The following ZNF415 variants were observed in gnomAD, a reference collection of about 807,000 sequenced individuals.
ZNF415 encodes the protein zinc finger protein 415.
ZNF415 carries 5 observed loss-of-function variants against 7.3 expected under a neutral mutation model. That is an observed-to-expected ratio of 0.69 (90% confidence interval 0.36 to 1.44). ZNF415 has a LOEUF of 1.44. ZNF415 is among the 40% of genes most tolerant of loss of function. ZNF415 has a pLI of 0.04. For missense variants in ZNF415, 628 were observed against 664.8 expected (o/e 0.94, Z 0.61); for synonymous variants, 207 against 226.3 (o/e 0.91, Z 0.77).
chr19:53,115,005 A>G (rs2086785108), intron 3 of ZNF415, among the ~76,000 whole-genome samples: 1 of 152,052 alleles, frequency 6.6e-6, no homozygotes, highest in South Asian at 2.1e-4. Flanking sequence ...CCTCTGATCT[A>G]TATGGAGAGC....
In ZNF415 at chr19:53,108,820, C is replaced by T. The variant is rs867987671; in HGVS notation, c.1225G>A (p.Glu409Lys). The T allele has an allele frequency of 6.2e-7, 1 of 1,614,040 alleles. No homozygotes were observed. The highest frequency in any genetic ancestry group is 8.5e-7 in the Non-Finnish European group (1 of 1,179,972). The change falls in exon 4 of 4, where the codon GAG becomes AAG. Residue 409 changes from glutamate (E) to lysine (K), a missense_variant. Physicochemically the swap from Glu to Lys is moderately conservative, Grantham distance 56. Transcript: ENST00000243643. ...CATTCATTGCATTTGTAAGGTTTCTCTCCAGTATGAATTCTCCAATGCCTT... is the reference window on the plus strand; with the variant it reads ...CATTCATTGCATTTGTAAGGTTTCTTTCCAGTATGAATTCTCCAATGCCTT... ...LARHWRIHTG[E>K]KPYKCNECGK...
At chr19:53,130,266 A>G (rs1375648094) in intron 1 of ZNF415, among the ~76,000 whole-genome samples, 2 of 152,200 alleles carry the variant, frequency 1.3e-5, no homozygotes, top group Non-Finnish European at 1.5e-5. Flanking sequence ...TAAAAACATC[A>G]TTGACATCTT....
In ZNF415 at chr19:53,127,650, A is replaced by G. The variant is rs1421590047; in HGVS notation, c.-67-4907T>C. On this transcript the variant is annotated intron_variant, in intron 1 of 3. Transcript: ENST00000243643. ...TCCCAGCACTTTAGGAGGCTGAGGC[A>G]GGCAGATCACGAAGTCAGGAGATCG... Among the ~76,000 whole-genome samples, 4 of 152,258 alleles carry G rather than the reference A, an allele frequency of 2.6e-5. No individual in the cohort carries two copies. The East Asian group carries it at 7.7e-4, about 29-fold the overall frequency.
At chr19:53,117,705 T>C (rs1313129860) in intron 2 of ZNF415, among the ~76,000 whole-genome samples, 3 of 152,114 alleles carry the variant, frequency 2.0e-5, no homozygotes, top group African/African-American at 7.2e-5. Flanking sequence ...TCTTCACCAC[T>C]AGACTGGCCC....
intron 1 of ZNF415, among the ~76,000 whole-genome samples, chr19:53,127,363 C>T (rs1054415665): frequency 1.3e-5 from 2 of 152,132 alleles, no homozygotes; most frequent in East Asian, 1.9e-4. Flanking sequence ...TTCGCAAGTC[C>T]CAGTAACAAT....
chr19:53,110,872 GTCAATAACGCAAT>G (rs1240824560), intron 3 of ZNF415, among the ~76,000 whole-genome samples: 1 of 152,188 alleles, frequency 6.6e-6, no homozygotes, highest in Non-Finnish European at 1.5e-5. Flanking sequence ...CAAACAGCCA[GTCAATAACGCAAT>G]TCCCTACATA....
intron 3 of ZNF415, chr19:53,115,706 G>A (rs2086911637): frequency 1.3e-6 from 2 of 1,550,002 alleles, no homozygotes; most frequent in Non-Finnish European, 8.7e-7. Flanking sequence ...GGTCTTACCT[G>A]TTTTCACACC....
chr19:53,111,026 T>C (rs1049359460), intron 3 of ZNF415, among the ~76,000 whole-genome samples: 1 of 152,170 alleles, frequency 6.6e-6, no homozygotes, highest in Non-Finnish European at 1.5e-5. Context: ...AAACAAAATA[T>C]AATGCAGTCT....
In ZNF415 at chr19:53,109,775, C is replaced by G; in HGVS notation, c.270G>C (p.Lys90Asn). 1 of 1,613,344 alleles carries G rather than the reference C, an allele frequency of 6.2e-7. No individual in the cohort carries two copies. The highest frequency in any genetic ancestry group is 8.5e-7 in the Non-Finnish European group (1 of 1,179,632). Residue 90 changes from lysine (K) to asparagine (N), a missense_variant, in exon 4 of 4, where the codon AAG (lysine) becomes AAC (asparagine). Lys to Asn is a moderately conservative substitution (Grantham distance 94). Coordinates refer to ENST00000243643, the MANE Select transcript of ZNF415 (RefSeq NM_018355.4). ...GACAGTCAAAGTCGTGTATTTTTTT[C>G]TTGATTTCCCTGAAGCAAAACTCTT... ...DIEEFCFREIKKKIHDFDCQW... is the reference protein window; with the variant it reads ...DIEEFCFREINKKIHDFDCQW...
intron 1 of ZNF415, among the ~76,000 whole-genome samples, chr19:53,132,510 T>C (rs2090218896): frequency 1.3e-5 from 2 of 152,264 alleles, no homozygotes; most frequent in South Asian, 4.1e-4. Flanking sequence ...TCCCCGGGAC[T>C]GCGGCTGCAG....
At position 53,109,391 on chromosome 19, in the gene ZNF415, A is replaced by G. The variant is rs778138600; in HGVS notation, c.654T>C (p.Tyr218=). 3 of 1,614,128 alleles carry G rather than the reference A, an allele frequency of 1.9e-6. No homozygotes were observed. Among genetic ancestry groups the G allele is most frequent in the South Asian group, 1.1e-5 (1 of 91,084 alleles). The change falls in exon 4 of 4, where the codon TAT becomes TAC. Residue 218 remains tyrosine (Y), a synonymous_variant. Transcript: ENST00000243643. ...GATTCAAGGCTTTGTCGCACTCAAT[A>G]TATCTGTAAGGTTTTTCCCTAATGC... ...KSCIREKPYR[Y]IECDKALNHG...
At chr19:53,121,585 G>A (rs145661311) in intron 2 of ZNF415, among the ~76,000 whole-genome samples, 12,826 of 151,502 alleles carry the variant, frequency 0.085, 569 homozygotes, top group East Asian at 0.12. Context: ...GCGCCACCAC[G>A]CCTGGCTAAT....
intron 1 of ZNF415, chr19:53,129,704 G>T: frequency 2.5e-6 from 1 of 398,596 alleles, no homozygotes; most frequent in South Asian, 1.3e-4. Context: ...AGATGTGGCT[G>T]AATTATGATG....
chr19:53,115,587 C>A, intron 3 of ZNF415: 1 of 776,948 alleles, frequency 1.3e-6, no homozygotes. Context: ...TTTAAAATTT[C>A]CTCTAAGAGC....
chr19:53,109,193 G>A lies in ZNF415; in HGVS notation c.852C>T (p.Asn284=). 2 of 1,613,768 alleles carry A rather than the reference G, an allele frequency of 1.2e-6. No individual in the cohort carries two copies. The highest frequency in any genetic ancestry group is 4.5e-5 in the East Asian group (2 of 44,810). The change falls in exon 4 of 4, where the codon AAC becomes AAT. Residue 284 remains asparagine, a synonymous_variant. Transcript: ENST00000243643. ...CNECDRSFSR[N]SCLALHRRVH... Reference sequence around the variant, plus strand: ...CTCTCCGATGTAGTGCAAGGCATGAGTTGCGACTGAAACTTCTGTCACATT... The same window carrying A: ...CTCTCCGATGTAGTGCAAGGCATGAATTGCGACTGAAACTTCTGTCACATT...
At chr19:53,125,381 C>T (rs2088882028) in intron 1 of ZNF415, among the ~76,000 whole-genome samples, 1 of 150,386 alleles carries the variant, frequency 6.6e-6, no homozygotes, top group African/African-American at 2.5e-5. Context: ...GTTGGCCAGG[C>T]TAGAGTGCAG....
chr19:53,119,772 A>G (rs2087686717), intron 2 of ZNF415, among the ~76,000 whole-genome samples: 1 of 152,056 alleles, frequency 6.6e-6, no homozygotes. Flanking sequence ...ACTATTATAA[A>G]TAACTACACA....
chr19:53,120,429 A>G (rs2087808710), intron 2 of ZNF415, among the ~76,000 whole-genome samples: 1 of 152,182 alleles, frequency 6.6e-6, no homozygotes, highest in African/African-American at 2.4e-5. Context: ...ATGATTAAAC[A>G]CATTTCAACA....
intron 1 of ZNF415, 128 bp from the exon 2 acceptor site, chr19:53,122,871 A>G: frequency 1.5e-6 from 1 of 662,514 alleles, no homozygotes; most frequent in East Asian, 2.6e-5. Context: ...CCACTACACC[A>G]GGGTGGCCCC....
Sources: allele counts gnomAD v4.1 joint callset (sites outside exome capture counted in the v4.1 genomes callset), GRCh38; gene constraint gnomAD v4.1.1; transcripts MANE v1.5; gene names NCBI Gene and HGNC (gene_info 2026-07-23, HGNC 2026-07-21).